The following PCDH15 variants were observed in gnomAD, a reference collection of about 807,000 sequenced individuals.
The protein encoded by PCDH15 is protocadherin-15.
In PCDH15, 129 loss-of-function variants were observed where a neutral mutation model predicts 178.5. The observed-to-expected ratio is 0.72, with a 90% CI of 0.63 to 0.84. The LOEUF (loss-of-function observed/expected upper bound fraction) is 0.84, where lower values mean the gene tolerates loss of function less well. Among genes scored for constraint, PCDH15 ranks in the 40% least tolerant of loss-of-function variants. The pLI is 0.00. For missense variants in PCDH15, 2,230 were observed against 2,099.9 expected, an observed-to-expected ratio of 1.06 and a Z score of -1.21; for synonymous variants, 800 against 732.0, an observed-to-expected ratio of 1.09 and a Z score of -1.50.
At chr10:54,883,754 A>T (rs772737502) in intron 3 of PCDH15, among the ~76,000 whole-genome samples, 2 of 144,054 alleles carry the variant, frequency 1.4e-5, no homozygotes, top group Non-Finnish European at 3.0e-5. Context: ...AATAACAAAC[A>T]TATCACTTTC....
intron 15 of PCDH15, among the ~76,000 whole-genome samples, chr10:54,117,980 T>C (rs1013926384): frequency 6.6e-6 from 1 of 152,180 alleles, no homozygotes; most frequent in African/African-American, 2.4e-5. Flanking sequence ...AACTGACAGC[T>C]GGGCCCCCAG....
At chr10:55,188,067 T>C (rs1197263751) in intron 1 of PCDH15, among the ~76,000 whole-genome samples, 1 of 151,948 alleles carries the variant, frequency 6.6e-6, no homozygotes, top group African/African-American at 2.4e-5. Flanking sequence ...GGACTTGGGC[T>C]ATAACTAGAA....
chr10:54,679,927 G>T (rs1336553652), intron 1 of PCDH15, among the ~76,000 whole-genome samples: 1 of 152,144 alleles, frequency 6.6e-6, no homozygotes, highest in Non-Finnish European at 1.5e-5. Flanking sequence ...TCACATATTT[G>T]ATAAAGAATG....
intron 3 of PCDH15, among the ~76,000 whole-genome samples, chr10:54,502,509 C>A (rs542100264): frequency 1.0e-3 from 154 of 152,062 alleles, no homozygotes; most frequent in African/African-American, 3.6e-3. Context: ...CTTCTTTTTG[C>A]CCTCTAAAGT....
At chr10:54,442,414 C>CCATATATATA (rs1554972759) in intron 3 of PCDH15, among the ~76,000 whole-genome samples, 1 of 19,164 alleles carries the variant, frequency 5.2e-5, no homozygotes, top group Non-Finnish European at 9.0e-5. Context: ...GCCTTAAAGG[C>CCATATATATA]TATATATATA....
chr10:54,251,753 A>G (rs1443747385), intron 8 of PCDH15, among the ~76,000 whole-genome samples: 1 of 152,190 alleles, frequency 6.6e-6, no homozygotes, highest in Non-Finnish European at 1.5e-5. Context: ...ATTATTGTTT[A>G]GAGTCGCAGC....
At chr10:54,474,818 C>T (rs980966143) in intron 3 of PCDH15, among the ~76,000 whole-genome samples, 6 of 151,938 alleles carry the variant, frequency 3.9e-5, no homozygotes, top group South Asian at 2.1e-4. Context: ...TAAAATGTTT[C>T]GAGGTTTTTC....
intron 1 of PCDH15, among the ~76,000 whole-genome samples, chr10:55,316,075 A>G (rs1433024859): frequency 1.3e-5 from 2 of 152,194 alleles, no homozygotes; most frequent in Non-Finnish European, 2.9e-5. Flanking sequence ...GACTCACACA[A>G]AAGTTGGATC....
chr10:53,950,565 T>C (rs932196049), intron 23 of PCDH15, among the ~76,000 whole-genome samples: 1 of 152,178 alleles, frequency 6.6e-6, no homozygotes, highest in Non-Finnish European at 1.5e-5. Context: ...AATATTCACA[T>C]TTAGACTCTA....
intron 1 of PCDH15, among the ~76,000 whole-genome samples, chr10:55,271,792 C>T (rs1047506834): frequency 2.6e-5 from 4 of 152,182 alleles, no homozygotes; most frequent in African/African-American, 7.2e-5. Context: ...TCCCCATCTC[C>T]AAGCAGCTTC....
At chr10:55,067,234 T>A (rs1232812918) in intron 2 of PCDH15, among the ~76,000 whole-genome samples, 1 of 151,966 alleles carries the variant, frequency 6.6e-6, no homozygotes, top group Non-Finnish European at 1.5e-5. Context: ...CCTCCCTTCA[T>A]CCCCACAACA....
intron 3 of PCDH15, among the ~76,000 whole-genome samples, chr10:54,453,266 CAAT>C (rs2076597213): frequency 6.6e-6 from 1 of 152,066 alleles, no homozygotes; most frequent in African/African-American, 2.4e-5. Context: ...AAATGTCCAA[CAAT>C]GATAGACTGG....
chr10:54,995,826 C>T (rs1342022065), intron 2 of PCDH15, among the ~76,000 whole-genome samples: 1 of 151,842 alleles, frequency 6.6e-6, no homozygotes, highest in African/African-American at 2.4e-5. Flanking sequence ...GTCTTACCTA[C>T]CACCTGTTGT....
intron 26 of PCDH15, among the ~76,000 whole-genome samples, chr10:53,876,197 T>TG (rs1328223213): frequency 2.6e-4 from 14 of 53,226 alleles, no homozygotes; most frequent in South Asian, 6.9e-4. Flanking sequence ...TTTGTTTTTT[T>TG]GTTTTTTTTT....
chr10:55,297,186 C>T (rs1304599339), intron 1 of PCDH15, among the ~76,000 whole-genome samples: 1 of 151,310 alleles, frequency 6.6e-6, no homozygotes, highest in African/African-American at 2.4e-5. Flanking sequence ...AAAAAATACC[C>T]TAAAGAAAGA....
intron 2 of PCDH15, among the ~76,000 whole-genome samples, chr10:55,020,832 C>A (rs917183884): frequency 6.6e-6 from 1 of 152,130 alleles, no homozygotes; most frequent in Non-Finnish European, 1.5e-5. Flanking sequence ...CTTATCTTCA[C>A]AGGTGCATAG....
intron 18 of PCDH15, among the ~76,000 whole-genome samples, chr10:54,024,020 T>C (rs542140580): frequency 5.8e-4 from 89 of 152,258 alleles, no homozygotes; most frequent in Admixed American, 2.4e-3. Flanking sequence ...CAAGGGACTC[T>C]TTTTCAACAT....
intron 2 of PCDH15, among the ~76,000 whole-genome samples, chr10:54,947,916 A>G (rs1211334365): frequency 1.3e-5 from 2 of 151,946 alleles, no homozygotes; most frequent in African/African-American, 2.4e-5. Flanking sequence ...AATGAACATG[A>G]GAAATTCCCA....
intron 2 of PCDH15, among the ~76,000 whole-genome samples, chr10:55,042,932 T>C (rs1441023736): frequency 6.6e-6 from 1 of 152,102 alleles, no homozygotes; most frequent in East Asian, 1.9e-4. Context: ...ATGTGTAAGC[T>C]AAAAATAATT....
Sources: gnomAD v4.1 joint callset for allele counts (sites outside exome capture counted in the v4.1 genomes callset) on GRCh38, gnomAD v4.1.1 for gene constraint, MANE v1.5 for transcripts, NCBI Gene and HGNC (gene_info 2026-07-23, HGNC 2026-07-21) for gene names.